The following C6orf89 variants were observed in gnomAD, a reference collection of about 807,000 sequenced individuals.
C6orf89 encodes bombesin receptor-activated protein C6orf89.
C6orf89 carries 29 observed loss-of-function variants against 40.7 expected under a neutral mutation model. The observed-to-expected ratio is 0.71, with a 90% CI of 0.53 to 0.97. The LOEUF (loss-of-function observed/expected upper bound fraction) is 0.97, where lower values mean the gene tolerates loss of function less well. Ranked by LOEUF, C6orf89 falls within the 50% of genes least tolerant of loss-of-function variation. The probability of loss-of-function intolerance (pLI) is 0.00; values close to 1 mark genes in which losing one functional copy is unlikely to be tolerated. For missense variants in C6orf89, 392 were observed against 429.1 expected (o/e 0.91, Z 0.76); for synonymous variants, 165 against 152.2 (o/e 1.08, Z -0.62).
At chr6:36,915,378 G>T (rs1377480680) in intron 6 of C6orf89, among the ~76,000 whole-genome samples, 1 of 152,190 alleles carries the variant, frequency 6.6e-6, no homozygotes, top group Non-Finnish European at 1.5e-5. Flanking sequence ...TAGTGTCTGT[G>T]TCTCACTGGG....
At chr6:36,873,448 C>A (rs1041733106) in intron 1 of C6orf89, among the ~76,000 whole-genome samples, 12 of 151,984 alleles carry the variant, frequency 7.9e-5, no homozygotes, top group African/African-American at 2.9e-4. Context: ...TCATATGATC[C>A]CATTTTTTTG....
chr6:36,916,337 C>A, intron 6 of C6orf89, 108 bp from the exon 7 acceptor site: 1 of 1,288,880 alleles, frequency 7.8e-7, no homozygotes, highest in Non-Finnish European at 1.1e-6. Flanking sequence ...TCATATTTTT[C>A]CCTCTTTACC....
At chr6:36,916,096 CT>C (rs1403892767) in intron 6 of C6orf89, among the ~76,000 whole-genome samples, 1 of 151,924 alleles carries the variant, frequency 6.6e-6, no homozygotes, top group Non-Finnish European at 1.5e-5. Flanking sequence ...CTTCCTCCTT[CT>C]CTCTTCTCCC....
chr6:36,881,075 C>T (rs752728084), upstream of C6orf89, among the ~76,000 whole-genome samples: 3 of 152,180 alleles, frequency 2.0e-5, no homozygotes, highest in Admixed American at 6.5e-5. Context: ...TGGAAAGAGT[C>T]GGACCTTTAT....
intron 2 of C6orf89, among the ~76,000 whole-genome samples, chr6:36,879,782 C>G (rs1774754900): frequency 6.6e-6 from 1 of 152,060 alleles, no homozygotes; most frequent in African/African-American, 2.4e-5. Context: ...TGTTTTATGT[C>G]CTTGGGAACT....
chr6:36,874,869 C>T, intron 1 of C6orf89: 1 of 1,370,984 alleles, frequency 7.3e-7, no homozygotes, highest in Non-Finnish European at 1.0e-6. Context: ...GTCCGTTCAA[C>T]CCTTTCGATA....
intron 1 of C6orf89, chr6:36,874,802 G>T (rs1424441642): frequency 6.2e-7 from 1 of 1,612,520 alleles, no homozygotes; most frequent in Non-Finnish European, 8.5e-7. Flanking sequence ...TGCTTGTCTA[G>T]TAATTGCTAC....
In C6orf89 at chr6:36,886,319, A is replaced by G. The variant is rs79797918; in HGVS notation, c.-120+291A>G. On this transcript the variant is annotated intron_variant, in intron 1 of 8. Coordinates refer to ENST00000480824, the MANE Select transcript of C6orf89 (RefSeq NM_001286635.2). ...GTTCTCAGGCATCACAGCAGTGTCC[A>G]TAACTTGAGCGTTGCTAATGAAGTC... Among the ~76,000 whole-genome samples, 982 of 152,326 alleles carry G rather than the reference A, an allele frequency of 6.4e-3. 17 individuals carry two copies. Among genetic ancestry groups the G allele is most frequent in the Middle Eastern group, 0.024 (7 of 294 alleles).
chr6:36,877,178 G>A (rs1328222322), intron 1 of C6orf89, among the ~76,000 whole-genome samples: 2 of 152,150 alleles, frequency 1.3e-5, no homozygotes, highest in Admixed American at 6.5e-5. Flanking sequence ...ATACCACAAT[G>A]TATAATGGTG....
intron 2 of C6orf89, chr6:36,879,225 C>T (rs1285829905): frequency 2.6e-5 from 4 of 152,192 alleles, no homozygotes; most frequent in African/African-American, 4.8e-5. Context: ...CGTGTTGAAA[C>T]CCCTAGTCAG....
intron 1 of C6orf89, among the ~76,000 whole-genome samples, chr6:36,892,518 T>C (rs1761245215): frequency 6.6e-6 from 1 of 152,078 alleles, no homozygotes; most frequent in African/African-American, 2.4e-5. Context: ...CTGTCCAGTT[T>C]TGATAATCAA....
In C6orf89 at chr6:36,913,602, A is replaced by G. The variant is rs546961398; in HGVS notation, c.404-682A>G. Reference sequence around the variant, plus strand: ...CCTGTGCTGTAGACGTTTCAGCCATATGGGTCATAGGTTAGAAAATGTTGG... The same window carrying G: ...CCTGTGCTGTAGACGTTTCAGCCATGTGGGTCATAGGTTAGAAAATGTTGG... On this transcript the variant is annotated intron_variant, in intron 4 of 8. Coordinates refer to ENST00000480824, the MANE Select transcript of C6orf89 (RefSeq NM_001286635.2). Among the ~76,000 whole-genome samples the G allele has an allele frequency of 4.6e-5, 7 of 152,336 alleles. No individual in the cohort carries two copies. The South Asian group carries it at 6.2e-4, about 14-fold the overall frequency.
chr6:36,921,441 A>C (rs543728659), intron 8 of C6orf89, among the ~76,000 whole-genome samples: 4 of 152,106 alleles, frequency 2.6e-5, no homozygotes, highest in Admixed American at 1.3e-4. Context: ...CAAAATGTAC[A>C]TTTTCCTGTG....
At chr6:36,885,758 A>G, upstream of C6orf89, 1 of 368,096 alleles carries the variant, frequency 2.7e-6, no homozygotes, top group Admixed American at 4.6e-5. Flanking sequence ...TGGGGCGAAA[A>G]GAGCCAGAAC....
intron 2 of C6orf89, among the ~76,000 whole-genome samples, chr6:36,880,852 G>A (rs574317260): frequency 3.2e-4 from 49 of 152,326 alleles, no homozygotes; most frequent in African/African-American, 1.1e-3. Flanking sequence ...TAAAAAGAGG[G>A]ATGTTTAGGG....
chr6:36,876,965 C>A (rs1253962002), intron 1 of C6orf89, among the ~76,000 whole-genome samples: 1 of 152,066 alleles, frequency 6.6e-6, no homozygotes, highest in Non-Finnish European at 1.5e-5. Flanking sequence ...TTCCTTCCTC[C>A]CAAAGGGTAG....
chr6:36,911,500 A>C (rs770845658), intron 4 of C6orf89, among the ~76,000 whole-genome samples: 42 of 151,886 alleles, frequency 2.8e-4, no homozygotes, highest in Non-Finnish European at 5.7e-4. Flanking sequence ...CAAAAAAAAT[A>C]ATAATAATAA....
At chr6:36,907,319 AG>A (rs1340532390) in intron 4 of C6orf89, among the ~76,000 whole-genome samples, 1 of 146,348 alleles carries the variant, frequency 6.8e-6, no homozygotes, top group Non-Finnish European at 1.5e-5. Context: ...TGTTTTTGCC[AG>A]GTAAATAATC....
intron 1 of C6orf89, among the ~76,000 whole-genome samples, chr6:36,874,418 T>C (rs1774590910): frequency 6.6e-6 from 1 of 152,238 alleles, no homozygotes; most frequent in Admixed American, 6.5e-5. Context: ...TCATATTCCA[T>C]ATGCCTGGCT....
Sources: allele counts gnomAD v4.1 joint callset (sites outside exome capture counted in the v4.1 genomes callset), GRCh38; gene constraint gnomAD v4.1.1; transcripts MANE v1.5; gene names NCBI Gene and HGNC (gene_info 2026-07-23, HGNC 2026-07-21).